ABR: variants seen among roughly 807,000 people sequenced by gnomAD.
The protein encoded by ABR is ABR activator of RhoGEF and GTPase, also known as active breakpoint cluster region-related protein.
A neutral mutation model predicts 107.2 loss-of-function variants in ABR; 35 were observed. The ratio of observed to expected loss-of-function variants is 0.33; its 90% CI spans 0.25 to 0.43. The LOEUF is 0.43. Among genes scored for constraint, ABR ranks in the 20% least tolerant of loss-of-function variants. ABR has a pLI of 1.00. For synonymous variants in ABR, 498 were observed against 462.0 expected (o/e 1.08, Z -1.00); for missense variants, 815 against 1,115.2 (o/e 0.73, Z 3.83).
chr17:1,061,448 T>C (rs1248324117), intron 10 of ABR, among the ~76,000 whole-genome samples: 4 of 152,312 alleles, frequency 2.6e-5, no homozygotes, highest in Admixed American at 1.3e-4. Flanking sequence ...GTAATGGTGA[T>C]CTTGCTTTCC....
intron 1 of ABR, among the ~76,000 whole-genome samples, chr17:1,178,468 G>A (rs977902225): frequency 7.2e-5 from 11 of 152,004 alleles, no homozygotes; most frequent in Admixed American, 7.2e-4. Flanking sequence ...GGAGGCTGAG[G>A]CGGGAGAATC....
chr17:1,168,635 T>A (rs907549884), intron 1 of ABR, among the ~76,000 whole-genome samples: 1 of 152,172 alleles, frequency 6.6e-6, no homozygotes, highest in Non-Finnish European at 1.5e-5. Context: ...GAAAATGGTC[T>A]AGCACAGCCA....
In ABR at chr17:1,179,759, C is replaced by T; in HGVS notation, c.-32G>A. The T allele has an allele frequency of 2.8e-6, 4 of 1,453,802 alleles. No homozygotes were observed. Among genetic ancestry groups the T allele is most frequent in the Non-Finnish European group, 3.6e-6 (4 of 1,096,600 alleles). 90.1% of individuals were successfully genotyped at this position (1,453,802 alleles called of 1,614,324 possible). On this transcript the variant is annotated 5_prime_UTR_variant, in exon 1 of 23. Transcript: ENST00000302538. This position sits in a 1 kb window ranked among gnomAD's most constrained non-coding sequence, Gnocchi z 4.9. ...GCGGCGGCTCGGTCAGATCCGAAAC[C>T]CGACCCTCATCGCGCAACAAAGGAG... is the stretch of plus-strand genomic sequence containing the variant.
chr17:1,093,229 G>T (rs1311812935), intron 3 of ABR, among the ~76,000 whole-genome samples: 1 of 151,774 alleles, frequency 6.6e-6, no homozygotes, highest in Non-Finnish European at 1.5e-5. Context: ...AGCACTTTGG[G>T]AGGCCGAGGC....
intron 4 of ABR, 60 bp downstream of exon 4, chr17:1,091,605 G>A (rs2037035589): frequency 1.3e-6 from 2 of 1,559,994 alleles, no homozygotes; most frequent in Non-Finnish European, 1.7e-6. Flanking sequence ...TGAGGCTCCT[G>A]CAACACTATG....
intron 1 of ABR, among the ~76,000 whole-genome samples, chr17:1,171,977 T>C (rs555678703): frequency 6.6e-6 from 1 of 152,184 alleles, no homozygotes; most frequent in African/African-American, 2.4e-5. Flanking sequence ...ATCAATCAGG[T>C]CACCACAGAG....
intron 2 of ABR, among the ~76,000 whole-genome samples, chr17:1,117,814 C>T (rs1298908414): frequency 1.8e-4 from 9 of 49,458 alleles, no homozygotes; most frequent in African/African-American, 6.5e-4. Context: ...AGCCTGAGTC[C>T]TCCCAGCGTT....
At chr17:1,156,200 G>A (rs1366973138) in intron 1 of ABR, 1 of 152,350 alleles carries the variant, frequency 6.6e-6, no homozygotes, top group Admixed American at 6.5e-5. Context: ...CTGTGGGGAA[G>A]AGCCTAGGCC....
chr17:1,152,003 A>G (rs2040815564), intron 1 of ABR, among the ~76,000 whole-genome samples: 1 of 149,624 alleles, frequency 6.7e-6, no homozygotes, highest in Non-Finnish European at 1.5e-5. Context: ...AAATACAAAA[A>G]AGTTAGCCAG....
intron 16 of ABR, among the ~76,000 whole-genome samples, chr17:1,014,894 C>T (rs2071021274): frequency 1.3e-5 from 2 of 152,124 alleles, no homozygotes; most frequent in African/African-American, 4.8e-5. Flanking sequence ...TCTTCTTTCC[C>T]TCACAGAGCT....
Position 1,058,838 on chromosome 17 carries a change from G to A in ABR, c.1212C>T (p.Ile404=), listed in dbSNP as rs370160445. The part of the protein sequence containing the change: ...EKANKGQSRA[I]ERLKKKMFEN... Reference sequence around the variant, plus strand: ...CAAACATCTTCTTCTTCAGGCGCTCGATGGCCCGGCTCTGGCCTTTGTTGG... The same window carrying A: ...CAAACATCTTCTTCTTCAGGCGCTCAATGGCCCGGCTCTGGCCTTTGTTGG... The change falls in exon 11 of 23, where the codon ATC becomes ATT. Residue 404 remains isoleucine (I), a synonymous_variant. Coordinates refer to ENST00000302538, the MANE Select transcript of ABR (RefSeq NM_021962.5). 97 of 1,614,146 alleles carry A rather than the reference G, an allele frequency of 6.0e-5. No homozygotes were observed. Among genetic ancestry groups the A allele is most frequent in the East Asian group, 2.9e-4 (13 of 44,884 alleles).
chr17:1,209,131 GGAGTTCATGGGAGCTTGGAATTGATA>G (rs2042854852), intron 1 of ABR, among the ~76,000 whole-genome samples: 1 of 151,496 alleles, frequency 6.6e-6, no homozygotes, highest in Admixed American at 6.6e-5. Flanking sequence ...TCTTCCGGAT[GGAGTTCATGGGAGCTTGGAATTGATA>G]GAGTTCATGG....
At chr17:1,164,951 A>G (rs1014792625) in intron 1 of ABR, among the ~76,000 whole-genome samples, 2 of 152,186 alleles carry the variant, frequency 1.3e-5, no homozygotes, top group Non-Finnish European at 2.9e-5. Flanking sequence ...GGATATACTT[A>G]TATTTAAAAA....
intron 5 of ABR, among the ~76,000 whole-genome samples, chr17:1,079,933 G>A (rs1163698738): frequency 2.6e-5 from 4 of 151,892 alleles, no homozygotes; most frequent in African/African-American, 4.8e-5. Flanking sequence ...GCTGGGGCGT[G>A]GGCAAGAAGG....
intron 6 of ABR, 117 bp from the exon 7 acceptor site, chr17:1,073,794 G>A: frequency 1.1e-6 from 1 of 897,972 alleles, no homozygotes; most frequent in East Asian, 2.8e-5. Flanking sequence ...CCCCTCGAGG[G>A]ACACCAGAGT....
chr17:1,073,152 C>A lies in ABR; in HGVS notation c.754-398G>T, dbSNP rs1243701911. Among the ~76,000 whole-genome samples, 8 of 147,230 alleles carry A rather than the reference C, an allele frequency of 5.4e-5. No individual in the cohort carries two copies. In the Admixed American group the frequency reaches 5.5e-4, roughly 10 times the overall value. The stretch of plus-strand genomic sequence containing the variant: ...CCGAGATCGCACCACTGCACTCCAG[C>A]CTGGGTGACAGAGTGAGACTCCGCC... On this transcript the variant is annotated intron_variant, in intron 7 of 22. Transcript: ENST00000302538.
rs563767588 is a variant in ABR at position 1,227,116 on chromosome 17, C to T, written c.838+1677G>A. On this transcript the variant is annotated intron_variant, in intron 1 of 22. Transcript: ENST00000574139. ...TCCTGAGGAAGGTGACTCTTGTTAT[C>T]ATTGGTCCACCCAGAGGGGAGCATC... Among the ~76,000 whole-genome samples the T allele has an allele frequency of 5.8e-4, 89 of 152,300 alleles. 1 individual carries two copies. The highest frequency in any genetic ancestry group is 3.4e-3 in the Middle Eastern group (1 of 294).
At chr17:1,088,420 GA>G (rs1399077120) in intron 4 of ABR, among the ~76,000 whole-genome samples, 1 of 151,242 alleles carries the variant, frequency 6.6e-6, no homozygotes, top group Non-Finnish European at 1.5e-5. Context: ...CATTCCCTTG[GA>G]AGGATACCTT....
At chr17:1,072,992 C>T (rs992688574) in intron 7 of ABR, among the ~76,000 whole-genome samples, 3 of 152,052 alleles carry the variant, frequency 2.0e-5, no homozygotes, top group Admixed American at 6.6e-5. Context: ...CCAGCCTGGG[C>T]AACGTGGTGA....
Sources: gnomAD v4.1 joint callset for allele counts (sites outside exome capture counted in the v4.1 genomes callset) on GRCh38, gnomAD v4.1.1 for gene constraint, Gnocchi (gnomAD v3.1) non-coding constraint, MANE v1.5 for transcripts, NCBI Gene and HGNC (gene_info 2026-07-23, HGNC 2026-07-21) for gene names.